Variants in EDIL3 observed in about 807,000 individuals in gnomAD.
EDIL3 encodes the protein EGF-like repeat and discoidin I-like domain-containing protein 3.
In EDIL3, 37 loss-of-function variants were observed where a neutral mutation model predicts 67.4. The ratio of observed to expected loss-of-function variants is 0.55; its 90% CI spans 0.42 to 0.72. The LOEUF (loss-of-function observed/expected upper bound fraction) is 0.72. Among genes scored for constraint, EDIL3 ranks in the 30% least tolerant of loss-of-function variants. The pLI, the probability that EDIL3 is intolerant of heterozygous loss-of-function variation, is 0.00. For synonymous variants in EDIL3, 195 were observed against 196.3 expected, an observed-to-expected ratio of 0.99 and a Z score of 0.05; for missense variants, 527 against 586.3, an observed-to-expected ratio of 0.90 and a Z score of 1.04.
chr5:84,277,708 T>C (rs550474390), intron 1 of EDIL3, among the ~76,000 whole-genome samples: 2 of 152,176 alleles, frequency 1.3e-5, no homozygotes, highest in Non-Finnish European at 2.9e-5. Flanking sequence ...ATCATAGACA[T>C]ATATTTTAAA....
Position 84,384,387 on chromosome 5 carries a change from C to A in EDIL3, c.-13G>T, listed in dbSNP as rs748034245. The A allele has an allele frequency of 2.5e-6, 4 of 1,611,838 alleles. No homozygotes were observed. Among genetic ancestry groups the A allele is most frequent in the Admixed American group, 1.7e-5 (1 of 59,720 alleles). On this transcript the variant is annotated 5_prime_UTR_variant, in exon 1 of 11. Coordinates refer to ENST00000296591, the MANE Select transcript of EDIL3 (RefSeq NM_005711.5). ...CCGAGCGCTTCATGATCCCGTCTCCCGGACGTGACCCCGGCTGGTCAGGGG... is the reference window on the plus strand; with the variant it reads ...CCGAGCGCTTCATGATCCCGTCTCCAGGACGTGACCCCGGCTGGTCAGGGG...
chr5:84,262,332 A>G (rs968124707), intron 1 of EDIL3, among the ~76,000 whole-genome samples: 43 of 152,164 alleles, frequency 2.8e-4, no homozygotes, highest in Non-Finnish European at 1.5e-5. Context: ...AGGAAAAACC[A>G]AGGAAGAAAA....
At chr5:84,137,187 AC>A in intron 5 of EDIL3, 53 bp downstream of exon 5, 1 of 716,438 alleles carries the variant, frequency 1.4e-6, no homozygotes, top group Non-Finnish European at 1.9e-6. Context: ...GTATACATAC[AC>A]ACACACACAC....
chr5:84,263,100 G>A (rs557929898), intron 1 of EDIL3, among the ~76,000 whole-genome samples: 5 of 152,164 alleles, frequency 3.3e-5, no homozygotes, highest in Admixed American at 6.5e-5. Context: ...GGCCCATGAT[G>A]GACAAATTCC....
At chr5:84,328,397 T>C (rs565708625) in intron 1 of EDIL3, among the ~76,000 whole-genome samples, 4 of 152,180 alleles carry the variant, frequency 2.6e-5, no homozygotes, top group African/African-American at 9.6e-5. Context: ...CAACATTCTC[T>C]AGAAAGATGT....
chr5:84,334,096 T>C (rs1224276204), intron 1 of EDIL3, among the ~76,000 whole-genome samples: 1 of 151,194 alleles, frequency 6.6e-6, no homozygotes, highest in African/African-American at 2.4e-5. Flanking sequence ...GATGGAATTT[T>C]GCTCTTGTCA....
intron 6 of EDIL3, among the ~76,000 whole-genome samples, chr5:84,073,661 AG>A (rs1207041165): frequency 3.3e-5 from 5 of 151,584 alleles, no homozygotes; most frequent in Admixed American, 1.3e-4. Context: ...GACCTCTTCA[AG>A]GAGAACTACA....
At chr5:84,169,933 G>A (rs1355235481) in intron 4 of EDIL3, among the ~76,000 whole-genome samples, 1 of 152,032 alleles carries the variant, frequency 6.6e-6, no homozygotes, top group Admixed American at 6.6e-5. Flanking sequence ...GGACTGTATG[G>A]TAATGCCTGT....
intron 1 of EDIL3, among the ~76,000 whole-genome samples, chr5:84,330,095 A>G (rs969590984): frequency 6.6e-6 from 1 of 152,178 alleles, no homozygotes. Flanking sequence ...TATTATAGAT[A>G]GTTATTAAGT....
chr5:84,257,109 T>C (rs776193862), intron 1 of EDIL3, among the ~76,000 whole-genome samples: 4 of 152,206 alleles, frequency 2.6e-5, no homozygotes, highest in Admixed American at 1.3e-4. Flanking sequence ...ACAGTCCTGA[T>C]ATACCCAGGG....
intron 9 of EDIL3, among the ~76,000 whole-genome samples, chr5:83,993,351 T>C (rs1374243795): frequency 1.3e-5 from 2 of 152,220 alleles, no homozygotes; most frequent in Non-Finnish European, 2.9e-5. Context: ...GCAATATTTC[T>C]TGACTTTATA....
At chr5:84,178,757 G>A (rs1267346237) in intron 4 of EDIL3, among the ~76,000 whole-genome samples, 2 of 152,046 alleles carry the variant, frequency 1.3e-5, no homozygotes, top group Non-Finnish European at 2.9e-5. Context: ...GTTTTCTGTT[G>A]CTTCTAATAA....
At position 84,125,256 on chromosome 5, in the gene EDIL3, G is replaced by A. The variant is rs374654156; in HGVS notation, c.469+11985C>T. Among the ~76,000 whole-genome samples, 17 of 152,118 alleles carry A rather than the reference G, an allele frequency of 1.1e-4. No homozygotes were observed. In the East Asian group the frequency reaches 2.7e-3, roughly 24 times the overall value. On this transcript the variant is annotated intron_variant, in intron 5 of 10. Coordinates refer to ENST00000296591, the MANE Select transcript of EDIL3 (RefSeq NM_005711.5). ...AATCAAAAATACCAGACAAATGTAT[G>A]TCAGAGCAATATTTCCAGTGACTTA...
chr5:84,002,166 TG>T, intron 9 of EDIL3, among the ~76,000 whole-genome samples: 1 of 152,254 alleles, frequency 6.6e-6, no homozygotes, highest in East Asian at 1.9e-4. Flanking sequence ...ATCAACAGAT[TG>T]AAGGACAAAA....
chr5:84,233,504 C>T (rs371437344), intron 2 of EDIL3, among the ~76,000 whole-genome samples: 1 of 152,278 alleles, frequency 6.6e-6, no homozygotes, highest in African/African-American at 2.4e-5. Context: ...CACGAGATTT[C>T]AACACTGTTT....
intron 1 of EDIL3, among the ~76,000 whole-genome samples, chr5:84,284,570 A>G (rs1357104057): frequency 6.6e-6 from 1 of 152,200 alleles, no homozygotes; most frequent in East Asian, 1.9e-4. Context: ...ATCTCATGAT[A>G]TTGATATTTC....
intron 1 of EDIL3, among the ~76,000 whole-genome samples, chr5:84,345,487 A>T (rs1161610751): frequency 6.6e-6 from 1 of 152,164 alleles, no homozygotes; most frequent in Non-Finnish European, 1.5e-5. Flanking sequence ...TAGCTCTCCA[A>T]ATACAATGTT....
chr5:84,300,896 T>C (rs371929359), intron 1 of EDIL3, among the ~76,000 whole-genome samples: 1 of 151,864 alleles, frequency 6.6e-6, no homozygotes, highest in East Asian at 1.9e-4. Context: ...TTAGGTATGC[T>C]GACTCCAAGC....
chr5:84,069,135 C>A (rs1746692064), intron 6 of EDIL3, among the ~76,000 whole-genome samples: 1 of 152,016 alleles, frequency 6.6e-6, no homozygotes, highest in Non-Finnish European at 1.5e-5. Flanking sequence ...TGGTGGATGC[C>A]TGAAAAGGAA....
Sources: gnomAD v4.1 joint callset for allele counts (sites outside exome capture counted in the v4.1 genomes callset) on GRCh38, gnomAD v4.1.1 for gene constraint, MANE v1.5 for transcripts, NCBI Gene and HGNC (gene_info 2026-07-23, HGNC 2026-07-21) for gene names.